Variants in RALYL observed in about 807,000 individuals in gnomAD.
RALYL encodes the protein RALY RNA binding protein like.
A neutral mutation model predicts 35.1 loss-of-function variants in RALYL; 29 were observed. The ratio of observed to expected loss-of-function variants is 0.83; its 90% CI spans 0.61 to 1.13. The LOEUF (loss-of-function observed/expected upper bound fraction) is 1.13. Among genes scored for constraint, RALYL ranks in the 50% most tolerant of loss-of-function variants. The probability of loss-of-function intolerance (pLI) is 0.00; values close to 1 mark genes in which losing one functional copy is unlikely to be tolerated. For missense variants in RALYL, 359 were observed against 360.4 expected (o/e 1.00, Z 0.03); for synonymous variants, 120 against 127.6 (o/e 0.94, Z 0.40).
intron 2 of RALYL, among the ~76,000 whole-genome samples, chr8:84,683,261 A>C (rs543651293): frequency 1.3e-5 from 2 of 152,150 alleles, no homozygotes; most frequent in African/African-American, 4.8e-5. Context: ...TTTACTTCCA[A>C]GTATGTGGTC....
Position 84,448,282 on chromosome 8 carries a change from A to G in RALYL, c.-23-81017A>G, listed in dbSNP as rs367934371. Among the ~76,000 whole-genome samples the G allele has an allele frequency of 1.8e-4, 28 of 152,104 alleles. 2 individuals are homozygous for G. In the South Asian group the frequency reaches 3.7e-3, roughly 20 times the overall value. On this transcript the variant is annotated intron_variant, in intron 1 of 8. Coordinates refer to ENST00000521268, the MANE Select transcript of RALYL (RefSeq NM_173848.7). Reference sequence around the variant, plus strand: ...GTGTGGAGGTGTACAAGCATGAATGAGTCTATGCACAAATACAAGCCATAT... The same window carrying G: ...GTGTGGAGGTGTACAAGCATGAATGGGTCTATGCACAAATACAAGCCATAT...
At chr8:84,634,813 C>T (rs1055470920) in intron 2 of RALYL, among the ~76,000 whole-genome samples, 3 of 151,620 alleles carry the variant, frequency 2.0e-5, no homozygotes, top group Admixed American at 6.6e-5. Context: ...AATTGACAAC[C>T]ACTCCGATTT....
At chr8:84,822,284 G>C (rs1828712628) in intron 4 of RALYL, among the ~76,000 whole-genome samples, 1 of 152,144 alleles carries the variant, frequency 6.6e-6, no homozygotes, top group Non-Finnish European at 1.5e-5. Context: ...GCCCATGGCA[G>C]GCTAAGCACT....
At chr8:84,483,778 C>G (rs1000782731) in intron 1 of RALYL, among the ~76,000 whole-genome samples, 1 of 152,098 alleles carries the variant, frequency 6.6e-6, no homozygotes, top group Non-Finnish European at 1.5e-5. Context: ...AAAGCCATCT[C>G]TGATCAAAAG....
At chr8:84,790,858 A>C (rs1395432724) in intron 3 of RALYL, among the ~76,000 whole-genome samples, 1 of 152,176 alleles carries the variant, frequency 6.6e-6, no homozygotes, top group Non-Finnish European at 1.5e-5. Flanking sequence ...TGAACAGTTG[A>C]CCACCTTTGA....
rs993513931 is a variant in RALYL, at chr8:84,774,736, T to A, written c.332+82T>A. ...ATAAGGCAATATAACTTGTAAGGCA[T>A]CCACTATTTAAAATAATAATCCTTA... On this transcript the variant is annotated intron_variant, in intron 3 of 8. Transcript: ENST00000521268. 1.2e-5 allele frequency: 10 copies of A among 841,184 alleles called. No individual in the cohort carries two copies. The South Asian group carries it at 1.2e-4, about 10-fold the overall frequency. 52.1% of individuals were successfully genotyped at this position (841,184 alleles called of 1,614,324 possible). A position where few individuals can be genotyped will look rare whatever the true frequency, so the allele number is the denominator to read the frequency against.
At chr8:84,712,322 G>A (rs193223955) in intron 2 of RALYL, among the ~76,000 whole-genome samples, 1 of 152,244 alleles carries the variant, frequency 6.6e-6, no homozygotes, top group African/African-American at 2.4e-5. Context: ...AAGGCTGACT[G>A]ATAACACCCC....
chr8:84,292,532 C>G (rs1838961344), intron 1 of RALYL, among the ~76,000 whole-genome samples: 1 of 152,060 alleles, frequency 6.6e-6, no homozygotes, highest in Admixed American at 6.6e-5. Flanking sequence ...TTCTAAGTCA[C>G]AGGATGAGAT....
intron 1 of RALYL, among the ~76,000 whole-genome samples, chr8:84,208,998 C>T (rs17708185): frequency 0.23 from 35,395 of 151,130 alleles, 4,235 homozygotes; most frequent in Non-Finnish European, 0.27. Flanking sequence ...GGGAGTTAGG[C>T]GAAGGCTGTA....
chr8:84,578,009 G>A (rs901093097), intron 2 of RALYL, among the ~76,000 whole-genome samples: 2 of 152,062 alleles, frequency 1.3e-5, no homozygotes, highest in African/African-American at 4.8e-5. Context: ...TTTTTGCTTC[G>A]GCCCACTGGG....
intron 1 of RALYL, among the ~76,000 whole-genome samples, chr8:84,187,645 T>A (rs1812855158): frequency 6.6e-6 from 1 of 152,092 alleles, no homozygotes; most frequent in Non-Finnish European, 1.5e-5. Context: ...ACTATAATAA[T>A]ACAAATAAAT....
At chr8:84,878,625 C>T (rs1233218491) in intron 7 of RALYL, among the ~76,000 whole-genome samples, 1 of 148,104 alleles carries the variant, frequency 6.8e-6, no homozygotes, top group East Asian at 2.0e-4. Context: ...AACACTAATA[C>T]CCTCAGAGAA....
At chr8:84,275,287 C>A (rs1207960793) in intron 1 of RALYL, among the ~76,000 whole-genome samples, 1 of 152,002 alleles carries the variant, frequency 6.6e-6, no homozygotes, top group African/African-American at 2.4e-5. Flanking sequence ...TAAATGTAAT[C>A]TAACTTGTTG....
intron 1 of RALYL, among the ~76,000 whole-genome samples, chr8:84,225,082 A>G (rs976797621): frequency 2.0e-5 from 3 of 152,216 alleles, no homozygotes; most frequent in African/African-American, 7.2e-5. Flanking sequence ...TGATGACATC[A>G]CCATCCATCC....
At chr8:84,525,434 T>A in intron 1 of RALYL, among the ~76,000 whole-genome samples, 1 of 152,138 alleles carries the variant, frequency 6.6e-6, no homozygotes, top group Non-Finnish European at 1.5e-5. Flanking sequence ...CACTTGTTTT[T>A]AGTAATTTTA....
At chr8:84,818,347 G>C (rs1827816421) in intron 4 of RALYL, among the ~76,000 whole-genome samples, 1 of 152,204 alleles carries the variant, frequency 6.6e-6, no homozygotes, top group Admixed American at 6.5e-5. Context: ...TGTCTATCAA[G>C]CATTTAGGAA....
intron 1 of RALYL, among the ~76,000 whole-genome samples, chr8:84,471,393 G>T (rs1390260639): frequency 6.7e-6 from 1 of 149,892 alleles, no homozygotes; most frequent in African/African-American, 2.5e-5. Context: ...GACCAGCCTG[G>T]ACAACATAGC....
chr8:84,876,173 C>G (rs1841103957), intron 7 of RALYL, among the ~76,000 whole-genome samples: 1 of 152,152 alleles, frequency 6.6e-6, no homozygotes, highest in Admixed American at 6.6e-5. Flanking sequence ...CTTCTCTTCC[C>G]TAACTCTACC....
chr8:84,446,396 A>C (rs1396214693), intron 1 of RALYL, among the ~76,000 whole-genome samples: 1 of 152,024 alleles, frequency 6.6e-6, no homozygotes, highest in African/African-American at 2.4e-5. Flanking sequence ...AAAAAAGGAA[A>C]AATACAGAAT....
Sources: gnomAD v4.1 joint callset for allele counts (sites outside exome capture counted in the v4.1 genomes callset) on GRCh38, gnomAD v4.1.1 for gene constraint, MANE v1.5 for transcripts, NCBI Gene and HGNC (gene_info 2026-07-23, HGNC 2026-07-21) for gene names.